SLC9C1: variants seen among roughly 807,000 people sequenced by gnomAD.
The protein encoded by SLC9C1 is sodium/hydrogen exchanger 10.
A neutral mutation model predicts 140.9 loss-of-function variants in SLC9C1; 97 were observed. The ratio of observed to expected loss-of-function variants is 0.69; its 90% CI spans 0.58 to 0.82. The LOEUF is 0.82. SLC9C1 is among the 40% of genes least tolerant of loss of function. The pLI is 0.00. For missense variants in SLC9C1, 1,340 were observed against 1,389.3 expected, an observed-to-expected ratio of 0.96 and a Z score of 0.56; for synonymous variants, 440 against 442.6, an observed-to-expected ratio of 0.99 and a Z score of 0.07.
intron 28 of SLC9C1, 74 bp from the exon 29 acceptor site, chr3:112,141,355 A>G (rs1447940932): frequency 2.7e-6 from 4 of 1,486,858 alleles, no homozygotes; most frequent in East Asian, 5.0e-5. Context: ...ACAACCCAGA[A>G]TAGGATGTAC....
chr3:112,241,950 A>C (rs529951300), intron 11 of SLC9C1, among the ~76,000 whole-genome samples: 1 of 152,324 alleles, frequency 6.6e-6, no homozygotes, highest in South Asian at 2.1e-4. Flanking sequence ...AAATTTACTC[A>C]AGATGGATTA....
At chr3:112,215,821 C>T (rs1270365534) in intron 15 of SLC9C1, among the ~76,000 whole-genome samples, 1 of 152,156 alleles carries the variant, frequency 6.6e-6, no homozygotes, top group Non-Finnish European at 1.5e-5. Context: ...CAACAAGCTA[C>T]CAATGACTTT....
At chr3:112,280,931 A>C (rs2080341367) in intron 2 of SLC9C1, 148 bp from the exon 3 acceptor site, 1 of 697,296 alleles carries the variant, frequency 1.4e-6, no homozygotes, top group Non-Finnish European at 2.5e-6. Flanking sequence ...TTATCAGCAC[A>C]CAGAATCAGT....
intron 14 of SLC9C1, among the ~76,000 whole-genome samples, chr3:112,219,222 A>G (rs549740899): frequency 1.3e-5 from 2 of 152,214 alleles, no homozygotes; most frequent in African/African-American, 4.8e-5. Context: ...CTTTTCTTAG[A>G]CTTGTTTTTC....
intron 6 of SLC9C1, among the ~76,000 whole-genome samples, 191 bp downstream of exon 6, chr3:112,274,706 G>A (rs1002843882): frequency 5.9e-5 from 9 of 152,084 alleles, no homozygotes; most frequent in Non-Finnish European, 1.0e-4. Flanking sequence ...TCTCAACCCA[G>A]TCTCACAACA....
At chr3:112,185,574 T>G in intron 20 of SLC9C1, 1 of 1,611,010 alleles carries the variant, frequency 6.2e-7, no homozygotes, top group Non-Finnish European at 8.5e-7. Flanking sequence ...TGTGGGCACC[T>G]GTGCCCGGGG....
chr3:112,277,389 T>G (rs1486077168), intron 5 of SLC9C1, among the ~76,000 whole-genome samples: 1 of 152,192 alleles, frequency 6.6e-6, no homozygotes, highest in Non-Finnish European at 1.5e-5. Flanking sequence ...TATGCAATAT[T>G]GTAACGTCCC....
chr3:112,281,464 G>A (rs919981630), intron 2 of SLC9C1, among the ~76,000 whole-genome samples: 7 of 152,158 alleles, frequency 4.6e-5, no homozygotes, highest in African/African-American at 9.7e-5. Context: ...ATGTGATCCT[G>A]GAGGAGCGGG....
intron 2 of SLC9C1, among the ~76,000 whole-genome samples, chr3:112,283,516 A>AAG (rs1165873122): frequency 6.6e-6 from 1 of 152,030 alleles, no homozygotes; most frequent in Non-Finnish European, 1.5e-5. Context: ...GTTCTATGCA[A>AAG]ATCCTAATTT....
At chr3:112,237,240 G>A (rs1560107746) in intron 12 of SLC9C1, among the ~76,000 whole-genome samples, 1 of 152,036 alleles carries the variant, frequency 6.6e-6, no homozygotes, top group Non-Finnish European at 1.5e-5. Context: ...TGTCTCTTTT[G>A]ATCTTCGTTG....
At position 112,281,446 on chromosome 3, in the gene SLC9C1, C is replaced by T. The variant is rs537871608; in HGVS notation, c.89-663G>A. ...ATGGGGAAGCTCTTGGCATGGTTGG[C>T]TGCAGGTATGTGATCCTGGAGGAGC... On this transcript the variant is annotated intron_variant, in intron 2 of 28. Coordinates refer to ENST00000305815, the MANE Select transcript of SLC9C1 (RefSeq NM_183061.3). Among the ~76,000 whole-genome samples, 136 of 152,266 alleles carry T rather than the reference C, an allele frequency of 8.9e-4. 1 individual carries two copies. Among genetic ancestry groups the T allele is most frequent in the African/African-American group, 3.0e-3 (126 of 41,554 alleles).
At chr3:112,227,085 G>A (rs2078702020) in intron 13 of SLC9C1, among the ~76,000 whole-genome samples, 3 of 152,074 alleles carry the variant, frequency 2.0e-5, no homozygotes. Flanking sequence ...GGGGGGAATG[G>A]ATAAATTCCT....
Position 112,217,479 on chromosome 3 carries a change from C to A in SLC9C1, c.1753G>T (p.Val585Leu), listed in dbSNP as rs762201945. The change falls in exon 15 of 29, where the codon GTG becomes TTG. Residue 585 changes from valine to leucine, a missense_variant. Val to Leu is a conservative substitution (Grantham distance 32). Coordinates refer to ENST00000305815, the MANE Select transcript of SLC9C1 (RefSeq NM_183061.3). ...TCTTTTTCCTTTCTGGTATTATACACCCAATTAAGTAGTAGTTTTCTAGCA... is the reference window on the plus strand; with the variant it reads ...TCTTTTTCCTTTCTGGTATTATACAACCAATTAAGTAGTAGTTTTCTAGCA... ...TFARKLLLNW[V>L]YNTRKEKEGP... 19 of 1,608,462 alleles carry A rather than the reference C, an allele frequency of 1.2e-5. No individual in the cohort carries two copies. In the South Asian group the frequency reaches 2.1e-4, roughly 18 times the overall value.
chr3:112,287,166 C>T (rs1340050700), intron 1 of SLC9C1, among the ~76,000 whole-genome samples: 2 of 152,224 alleles, frequency 1.3e-5, no homozygotes, highest in Non-Finnish European at 2.9e-5. Context: ...CTCCATCTAA[C>T]TATTCACACT....
intron 26 of SLC9C1, among the ~76,000 whole-genome samples, chr3:112,164,765 CT>C (rs560554967): frequency 0.011 from 1,707 of 151,868 alleles, 15 homozygotes; most frequent in Non-Finnish European, 0.019. Context: ...AGTTGCTCTT[CT>C]TGAGGAGTAT....
intron 6 of SLC9C1, among the ~76,000 whole-genome samples, chr3:112,271,625 T>C (rs1250773769): frequency 6.6e-6 from 1 of 152,086 alleles, no homozygotes; most frequent in Non-Finnish European, 1.5e-5. Context: ...CATTAAGGAA[T>C]TTATTCAGTG....
chr3:112,169,991 T>A (rs1285794159), intron 23 of SLC9C1, among the ~76,000 whole-genome samples: 1 of 151,856 alleles, frequency 6.6e-6, no homozygotes, highest in Non-Finnish European at 1.5e-5. Context: ...AAAAATCAAC[T>A]CAACATGGAT....
At chr3:112,172,713 C>T (rs1355640237) in intron 23 of SLC9C1, among the ~76,000 whole-genome samples, 1 of 152,046 alleles carries the variant, frequency 6.6e-6, no homozygotes, top group Non-Finnish European at 1.5e-5. Context: ...CAGGAAGTTG[C>T]ATTCTATTCT....
At chr3:112,236,397 T>C (rs1318326946) in intron 12 of SLC9C1, among the ~76,000 whole-genome samples, 2 of 152,196 alleles carry the variant, frequency 1.3e-5, no homozygotes, top group Non-Finnish European at 2.9e-5. Context: ...TCTATCAATT[T>C]GGTTGATCTT....
Sources: gnomAD v4.1 joint callset for allele counts (sites outside exome capture counted in the v4.1 genomes callset) on GRCh38, gnomAD v4.1.1 for gene constraint, MANE v1.5 for transcripts, NCBI Gene and HGNC (gene_info 2026-07-23, HGNC 2026-07-21) for gene names.